PCDH15: variants seen among roughly 807,000 people sequenced by gnomAD.
The protein encoded by PCDH15 is protocadherin related 15, also known as protocadherin-15.
PCDH15 carries 129 observed loss-of-function variants against 178.5 expected under a neutral mutation model. That is an observed-to-expected ratio of 0.72 (90% CI 0.63 to 0.84). The LOEUF is 0.84. Among genes scored for constraint, PCDH15 ranks in the 40% least tolerant of loss-of-function variants. The probability of loss-of-function intolerance (pLI) is 0.00; values close to 1 mark genes in which losing one functional copy is unlikely to be tolerated. For synonymous variants in PCDH15, 800 were observed against 732.0 expected (o/e 1.09, Z -1.50); for missense variants, 2,230 against 2,099.9 (o/e 1.06, Z -1.21).
chr10:54,124,149 A>T (rs2041796068), intron 15 of PCDH15, among the ~76,000 whole-genome samples: 1 of 152,126 alleles, frequency 6.6e-6, no homozygotes, highest in South Asian at 2.1e-4. Context: ...GTACCCTTTG[A>T]ATCTAAATAA....
At chr10:54,128,093 T>C (rs1399350331) in intron 15 of PCDH15, among the ~76,000 whole-genome samples, 1 of 152,174 alleles carries the variant, frequency 6.6e-6, no homozygotes, top group African/African-American at 2.4e-5. Flanking sequence ...AGATGAATTA[T>C]CTGTATTGAG....
At chr10:54,021,371 T>C (rs718310) in intron 19 of PCDH15, among the ~76,000 whole-genome samples, 107,506 of 151,874 alleles carry the variant, frequency 0.71, 38,549 homozygotes, top group Middle Eastern at 0.8. Flanking sequence ...CAATCAATTA[T>C]TGACTTAACA....
chr10:54,512,395 GTGTGTGTA>G (rs1008695668), intron 3 of PCDH15, among the ~76,000 whole-genome samples: 22 of 140,694 alleles, frequency 1.6e-4, no homozygotes, highest in African/African-American at 5.7e-4. Context: ...GTGTGTGTGT[GTGTGTGTA>G]TTATTGGGGG....
intron 2 of PCDH15, among the ~76,000 whole-genome samples, chr10:55,369,890 A>G (rs1845460393): frequency 6.6e-6 from 1 of 152,094 alleles, no homozygotes; most frequent in Non-Finnish European, 1.5e-5. Flanking sequence ...ACTGAGACAC[A>G]TGCTTATTCC....
intron 15 of PCDH15, among the ~76,000 whole-genome samples, chr10:54,119,467 G>T (rs953704481): frequency 6.6e-6 from 1 of 151,966 alleles, no homozygotes; most frequent in African/African-American, 2.4e-5. Flanking sequence ...TTTTTAAAAT[G>T]TACAATGTCT....
intron 1 of PCDH15, among the ~76,000 whole-genome samples, chr10:55,260,723 T>G (rs1016548745): frequency 1.3e-5 from 2 of 152,226 alleles, no homozygotes; most frequent in Non-Finnish European, 2.9e-5. Context: ...TATGCCATAT[T>G]TGCATTTAAC....
intron 20 of PCDH15, among the ~76,000 whole-genome samples, chr10:54,000,020 G>A (rs140028106): frequency 3.3e-5 from 5 of 152,136 alleles, no homozygotes; most frequent in African/African-American, 1.2e-4. Flanking sequence ...GTCTGGGAGA[G>A]AGCAAGGGAA....
chr10:55,513,574 T>G (rs185698096), intron 2 of PCDH15, among the ~76,000 whole-genome samples: 4 of 152,270 alleles, frequency 2.6e-5, no homozygotes, highest in Admixed American at 6.5e-5. Context: ...ACATAAGTTA[T>G]TTAATATTTG....
At chr10:55,450,121 T>A (rs912727365) in intron 2 of PCDH15, among the ~76,000 whole-genome samples, 3 of 152,166 alleles carry the variant, frequency 2.0e-5, no homozygotes, top group Non-Finnish European at 4.4e-5. Context: ...TCAAGCTACA[T>A]GCATAATGTA....
At chr10:53,923,082 G>T (rs1049697082) in intron 25 of PCDH15, among the ~76,000 whole-genome samples, 4 of 151,988 alleles carry the variant, frequency 2.6e-5, no homozygotes, top group Admixed American at 1.3e-4. Flanking sequence ...GCAAGACTCC[G>T]TCTCAAAAAA....
intron 8 of PCDH15, among the ~76,000 whole-genome samples, chr10:54,295,687 C>G (rs1393770894): frequency 6.6e-6 from 1 of 152,172 alleles, no homozygotes; most frequent in Non-Finnish European, 1.5e-5. Context: ...TTGAAGTCAG[C>G]AAGACCAAGA....
chr10:55,284,315 T>C (rs1202299776), intron 1 of PCDH15, among the ~76,000 whole-genome samples: 1 of 152,060 alleles, frequency 6.6e-6, no homozygotes, highest in Non-Finnish European at 1.5e-5. Context: ...TCAATTTACC[T>C]TTTAGATAAA....
At chr10:54,201,474 A>G (rs900207888) in intron 10 of PCDH15, among the ~76,000 whole-genome samples, 2 of 152,028 alleles carry the variant, frequency 1.3e-5, no homozygotes, top group African/African-American at 4.8e-5. Context: ...CCACTGTTCT[A>G]TGCTATTGTA....
intron 1 of PCDH15, among the ~76,000 whole-genome samples, chr10:55,185,060 C>T (rs886720338): frequency 6.6e-6 from 1 of 151,718 alleles, no homozygotes; most frequent in Non-Finnish European, 1.5e-5. Context: ...AAATAACTTG[C>T]TTTTGTGGCA....
rs147810577 is a variant in PCDH15 at position 54,234,977 on chromosome 10, C to T, written c.985+1846G>A. On this transcript the variant is annotated intron_variant, in intron 9 of 37. Coordinates refer to ENST00000644397, the MANE Select transcript of PCDH15 (RefSeq NM_001384140.1). ...GTCACCTTTCTACTTTTACCTCACT[C>T]ACTTCTTTCCAGTACTTCCGGCCCC... Among the ~76,000 whole-genome samples, 270 of 152,282 alleles carry T rather than the reference C, an allele frequency of 1.8e-3. 2 individuals are homozygous for T. The highest frequency in any genetic ancestry group is 6.0e-3 in the African/African-American group (248 of 41,564).
chr10:54,081,383 T>A (rs943513734), intron 16 of PCDH15, among the ~76,000 whole-genome samples: 6 of 152,070 alleles, frequency 3.9e-5, no homozygotes, highest in African/African-American at 1.4e-4. Context: ...AAATACTATA[T>A]GCCGTGAACA....
chr10:55,304,887 T>G (rs920347785), intron 1 of PCDH15, among the ~76,000 whole-genome samples: 7 of 152,216 alleles, frequency 4.6e-5, no homozygotes, highest in African/African-American at 1.7e-4. Flanking sequence ...TAAAGAAAAC[T>G]AATATCAATT....
chr10:55,203,345 A>G (rs1205346287), intron 1 of PCDH15, among the ~76,000 whole-genome samples: 1 of 152,034 alleles, frequency 6.6e-6, no homozygotes, highest in Non-Finnish European at 1.5e-5. Flanking sequence ...ATGAGTTCTG[A>G]TATCTCAGAA....
chr10:54,919,913 A>G (rs949256324), intron 2 of PCDH15, among the ~76,000 whole-genome samples: 1 of 152,130 alleles, frequency 6.6e-6, no homozygotes, highest in African/African-American at 2.4e-5. Context: ...AGGCTCTGTA[A>G]CATTTGAGAA....
Sources: gnomAD v4.1 joint callset for allele counts (sites outside exome capture counted in the v4.1 genomes callset) on GRCh38, gnomAD v4.1.1 for gene constraint, MANE v1.5 for transcripts, NCBI Gene and HGNC (gene_info 2026-07-23, HGNC 2026-07-21) for gene names.